FMN1: variants seen among roughly 807,000 people sequenced by gnomAD.
FMN1 encodes formin-1.
Under a neutral mutation model 132.4 loss-of-function variants are expected in FMN1, and 110 were observed. The ratio of observed to expected loss-of-function variants is 0.83; its 90% CI spans 0.71 to 0.97. The LOEUF (loss-of-function observed/expected upper bound fraction) is 0.97. FMN1 is among the 50% of genes least tolerant of loss of function. FMN1 has a pLI of 0.00. For synonymous variants in FMN1, 722 were observed against 651.7 expected (o/e 1.11, Z -1.64); for missense variants, 1,792 against 1,705.3 (o/e 1.05, Z -0.90).
At chr15:33,150,012 T>C in intron 4 of FMN1, 3 of 985,364 alleles carry the variant, frequency 3.0e-6, no homozygotes, top group Non-Finnish European at 3.6e-6. Context: ...AGATTCTCAG[T>C]TCTCAATATC....
At chr15:32,836,498 CCT>C (rs2058630169) in intron 17 of FMN1, among the ~76,000 whole-genome samples, 1 of 152,140 alleles carries the variant, frequency 6.6e-6, no homozygotes, top group African/African-American at 2.4e-5. Context: ...CTCTTTCTCC[CCT>C]TACTTTTAGT....
chr15:33,161,072 C>T (rs1964868963), intron 3 of FMN1, among the ~76,000 whole-genome samples: 1 of 152,210 alleles, frequency 6.6e-6, no homozygotes, highest in Non-Finnish European at 1.5e-5. Flanking sequence ...TGATTTTGGC[C>T]TTAAAAGGCC....
intron 7 of FMN1, among the ~76,000 whole-genome samples, chr15:33,004,827 G>A (rs1331316771): frequency 1.3e-5 from 2 of 152,084 alleles, no homozygotes; most frequent in Admixed American, 1.3e-4. Flanking sequence ...AGAAAATGTG[G>A]CACATATACA....
intron 9 of FMN1, among the ~76,000 whole-genome samples, chr15:32,963,730 T>G (rs2030866784): frequency 6.6e-6 from 1 of 152,124 alleles, no homozygotes; most frequent in South Asian, 2.1e-4. Context: ...AAATTAAATT[T>G]TATTTTTATT....
At chr15:32,962,805 A>G (rs965171729) in intron 9 of FMN1, among the ~76,000 whole-genome samples, 4 of 151,826 alleles carry the variant, frequency 2.6e-5, no homozygotes, top group Non-Finnish European at 4.4e-5. Flanking sequence ...ACCATCTCAA[A>G]CCAGTTAGAA....
chr15:32,804,415 A>G, intron 17 of FMN1, 83 bp from the exon 18 acceptor site: 2 of 211,648 alleles, frequency 9.4e-6, no homozygotes, highest in Middle Eastern at 1.7e-3. Context: ...ACACCCATTC[A>G]TTACCACAGG....
intron 5 of FMN1, among the ~76,000 whole-genome samples, chr15:33,072,201 C>T (rs1490235633): frequency 1.3e-5 from 2 of 152,200 alleles, no homozygotes; most frequent in East Asian, 1.9e-4. Flanking sequence ...AGACAACCCA[C>T]GTTTGAACTG....
At chr15:33,185,720 G>A (rs977945738) in intron 2 of FMN1, among the ~76,000 whole-genome samples, 4 of 151,686 alleles carry the variant, frequency 2.6e-5, no homozygotes, top group African/African-American at 7.3e-5. Context: ...TTACAGGCAC[G>A]TGCCACCACA....
intron 17 of FMN1, among the ~76,000 whole-genome samples, chr15:32,815,143 C>T (rs552898417): frequency 7.3e-4 from 111 of 152,182 alleles, no homozygotes; most frequent in Non-Finnish European, 1.1e-3. Context: ...GGGGTTTCCC[C>T]GTGTTAGCCA....
chr15:32,937,489 T>C (rs2061304226), intron 9 of FMN1, among the ~76,000 whole-genome samples: 1 of 152,254 alleles, frequency 6.6e-6, no homozygotes, highest in African/African-American at 2.4e-5. Context: ...CCGTGTATTA[T>C]TAAATTGGCA....
chr15:33,007,112 A>T (rs1235513223), intron 7 of FMN1, among the ~76,000 whole-genome samples: 6 of 152,212 alleles, frequency 3.9e-5, no homozygotes, highest in African/African-American at 1.4e-4. Context: ...GACAAAGTAT[A>T]TATTAATTAG....
chr15:32,979,555 CAAAA>C (rs66993265), intron 7 of FMN1, among the ~76,000 whole-genome samples: 170 of 57,458 alleles, frequency 3.0e-3, no homozygotes, highest in African/African-American at 7.9e-3. Flanking sequence ...GACTCTGTCT[CAAAA>C]AAAAAAAAAA....
intron 12 of FMN1, among the ~76,000 whole-genome samples, chr15:32,904,666 G>A (rs1021945122): frequency 6.6e-6 from 1 of 152,162 alleles, no homozygotes; most frequent in Non-Finnish European, 1.5e-5. Context: ...CAGTTTTGGC[G>A]TGGATATTGG....
chr15:33,181,566 G>A (rs1482362079), intron 2 of FMN1, among the ~76,000 whole-genome samples: 1 of 152,208 alleles, frequency 6.6e-6, no homozygotes, highest in Non-Finnish European at 1.5e-5. Flanking sequence ...TAGAGCAACA[G>A]GTAGGAGTCA....
intron 19 of FMN1, among the ~76,000 whole-genome samples, chr15:32,785,577 T>G (rs2056850204): frequency 6.6e-6 from 1 of 152,106 alleles, no homozygotes; most frequent in African/African-American, 2.4e-5. Context: ...ATATGATTGG[T>G]TCATTTCAGT....
At chr15:33,000,723 C>G (rs1447675118) in intron 7 of FMN1, among the ~76,000 whole-genome samples, 1 of 152,174 alleles carries the variant, frequency 6.6e-6, no homozygotes, top group Non-Finnish European at 1.5e-5. Flanking sequence ...GTATCCCAAA[C>G]AATGGGTTTC....
chr15:32,863,459 A>AT (rs1465370551), intron 16 of FMN1, among the ~76,000 whole-genome samples: 1 of 152,188 alleles, frequency 6.6e-6, no homozygotes, highest in Non-Finnish European at 1.5e-5. Flanking sequence ...ATAAAATAAA[A>AT]TAAATAAACA....
chr15:32,889,329 G>A (rs752207466), intron 15 of FMN1, among the ~76,000 whole-genome samples: 8 of 152,240 alleles, frequency 5.3e-5, no homozygotes, highest in South Asian at 2.1e-4. Flanking sequence ...GTTGTTTAAC[G>A]TAAGCTTTGT....
At chr15:32,959,896 G>T (rs776127920) in intron 9 of FMN1, among the ~76,000 whole-genome samples, 2 of 152,186 alleles carry the variant, frequency 1.3e-5, no homozygotes, top group African/African-American at 4.8e-5. Flanking sequence ...AAGAACAAAA[G>T]TAAATTTAAT....
Sources: allele counts gnomAD v4.1 joint callset (sites outside exome capture counted in the v4.1 genomes callset), GRCh38; gene constraint gnomAD v4.1.1; transcripts MANE v1.5; gene names NCBI Gene and HGNC (gene_info 2026-07-23, HGNC 2026-07-21).